GPC3: variants seen among roughly 807,000 people sequenced by gnomAD.
The protein encoded by GPC3 is glypican 3.
In GPC3, 3 loss-of-function variants were observed where a neutral mutation model predicts 34.4. That is an observed-to-expected ratio of 0.09 (90% confidence interval 0.04 to 0.23). The LOEUF is 0.23. Among genes scored for constraint, GPC3 ranks in the 10% least tolerant of loss-of-function variants. The pLI is 1.00. For missense variants in GPC3, 351 were observed against 445.6 expected, an observed-to-expected ratio of 0.79 and a Z score of 1.91; for synonymous variants, 177 against 174.0, an observed-to-expected ratio of 1.02 and a Z score of -0.13.
At chrX:133,673,844 T>C (rs1315631923) in intron 5 of GPC3, among the ~76,000 whole-genome samples, 2 of 112,501 alleles carry the variant, frequency 1.8e-5, no homozygotes, top group African/African-American at 6.5e-5. Flanking sequence ...GAAAGTTCTA[T>C]ATGAGGGCTG....
chrX:133,794,024 C>G (rs908153827), intron 2 of GPC3, among the ~76,000 whole-genome samples: 1 of 111,836 alleles, frequency 8.9e-6, no homozygotes, highest in Non-Finnish European at 1.9e-5. Flanking sequence ...GCACAAGAGA[C>G]AACAGAATGA....
chrX:133,554,367 G>A (rs950763740), intron 7 of GPC3, among the ~76,000 whole-genome samples: 1 of 108,090 alleles, frequency 9.3e-6, no homozygotes, highest in Non-Finnish European at 1.9e-5. Context: ...AGGCTGGAGT[G>A]CAGTGATGCA....
chrX:133,952,786 C>G (rs1213050980), intron 2 of GPC3, among the ~76,000 whole-genome samples: 1 of 112,493 alleles, frequency 8.9e-6, no homozygotes, highest in Non-Finnish European at 1.9e-5. Flanking sequence ...TTTATTCTTT[C>G]TGTAGAGATT....
chrX:133,677,868 A>G (rs2070900084), intron 5 of GPC3, among the ~76,000 whole-genome samples: 2 of 111,795 alleles, frequency 1.8e-5, no homozygotes, highest in Admixed American at 1.9e-4. Context: ...AGGAAAGGAC[A>G]GGGTATAGCA....
rs1322419422 is a variant in GPC3 at position 133,676,926 on chromosome X, T to G, written c.1293-15076A>C. ...TATTCCTTTGCTCTTAACCTGCCCT[T>G]CAGCCCTTGGCACTCCCCCAATGTC... is the stretch of plus-strand genomic sequence containing the variant. On this transcript the variant is annotated intron_variant, in intron 5 of 7. Coordinates refer to ENST00000370818, the MANE Select transcript of GPC3 (RefSeq NM_004484.4). 5.4e-5 allele frequency among the ~76,000 whole-genome samples: 6 copies of G among 110,534 alleles called. No individual in the cohort carries two copies. The East Asian group carries it at 1.4e-3, about 26-fold the overall frequency.
At chrX:133,845,197 T>A (rs923548680) in intron 2 of GPC3, among the ~76,000 whole-genome samples, 1 of 111,366 alleles carries the variant, frequency 9.0e-6, no homozygotes. Context: ...AAAGGGGAAG[T>A]CTGGCCTGAA....
intron 2 of GPC3, among the ~76,000 whole-genome samples, chrX:133,852,985 C>CAAAAAAAA (rs33927142): frequency 2.4e-5 from 1 of 42,111 alleles, no homozygotes; most frequent in Non-Finnish European, 4.0e-5. Flanking sequence ...TTTTAAATTC[C>CAAAAAAAA]AAAAAAAAAA....
intron 2 of GPC3, among the ~76,000 whole-genome samples, chrX:133,840,499 C>T (rs1048574744): frequency 5.4e-5 from 6 of 110,981 alleles, no homozygotes; most frequent in African/African-American, 2.0e-4. Context: ...GTACCTATCT[C>T]GCGAGGTTGT....
At chrX:133,956,736 T>C (rs2076418268) in intron 1 of GPC3, among the ~76,000 whole-genome samples, 1 of 112,048 alleles carries the variant, frequency 8.9e-6, no homozygotes, top group African/African-American at 3.2e-5. Context: ...CTGTTAGTAC[T>C]GGTCCTATTC....
rs752144563 is a variant in GPC3 at position 133,758,209 on chromosome X, A to C, written c.338-4033T>G. Among the ~76,000 whole-genome samples, 349 of 111,876 alleles carry C rather than the reference A, an allele frequency of 3.1e-3. 2 individuals carry two copies. Among genetic ancestry groups the C allele is most frequent in the African/African-American group, 0.011 (330 of 30,760 alleles). On this transcript the variant is annotated intron_variant, in intron 2 of 7. Transcript: ENST00000370818. ...CAATCCTAATACTTGGTATACACCC[A>C]AAGGAATATAAATCATTCTATTATA...
At chrX:133,812,668 C>T (rs777246602) in intron 2 of GPC3, among the ~76,000 whole-genome samples, 1 of 112,181 alleles carries the variant, frequency 8.9e-6, no homozygotes, top group African/African-American at 3.2e-5. Flanking sequence ...AAATCTACGA[C>T]GTTTGAATAT....
In GPC3 at chrX:133,794,902, C is replaced by G. The variant is rs1048269525; in HGVS notation, c.338-40726G>C. On this transcript the variant is annotated intron_variant, in intron 2 of 7. Coordinates refer to ENST00000370818, the MANE Select transcript of GPC3 (RefSeq NM_004484.4). ...AATGGCACATTTTGTATGTTTCTAT[C>G]TGAGTCTATCAAAATATGTTGAAAA... is the stretch of plus-strand genomic sequence containing the variant. Among the ~76,000 whole-genome samples, 3 of 112,415 alleles carry G rather than the reference C, an allele frequency of 2.7e-5. No homozygotes were observed. In the Admixed American group the frequency reaches 2.8e-4, roughly 11 times the overall value.
intron 2 of GPC3, among the ~76,000 whole-genome samples, chrX:133,793,568 G>T (rs1405650473): frequency 9.0e-6 from 1 of 111,013 alleles, no homozygotes; most frequent in Non-Finnish European, 1.9e-5. Context: ...TCCTAACTCT[G>T]CACCCTGGGT....
chrX:133,849,087 T>TC (rs1220704257), intron 2 of GPC3, among the ~76,000 whole-genome samples: 1 of 64,143 alleles, frequency 1.6e-5, no homozygotes, highest in Non-Finnish European at 2.8e-5. Context: ...AAAGTTTCTT[T>TC]TTTTTTTTTT....
At chrX:133,724,929 C>A (rs916215684) in intron 3 of GPC3, among the ~76,000 whole-genome samples, 1 of 111,226 alleles carries the variant, frequency 9.0e-6, no homozygotes, top group African/African-American at 3.3e-5. Context: ...ATAAGATAAA[C>A]GAAAAATAAA....
chrX:133,849,250 A>G (rs967547771), intron 2 of GPC3, among the ~76,000 whole-genome samples: 1 of 108,730 alleles, frequency 9.2e-6, no homozygotes, highest in Non-Finnish European at 1.9e-5. Flanking sequence ...GCCCGCCAAC[A>G]CGCCCGGCTA....
At chrX:133,807,373 G>A (rs1417250646) in intron 2 of GPC3, among the ~76,000 whole-genome samples, 1 of 111,928 alleles carries the variant, frequency 8.9e-6, no homozygotes, top group African/African-American at 3.3e-5. Context: ...CATGTTTCTT[G>A]TATAACCTGC....
intron 7 of GPC3, among the ~76,000 whole-genome samples, chrX:133,555,863 A>T (rs1441828773): frequency 9.0e-6 from 1 of 110,595 alleles, no homozygotes; most frequent in Non-Finnish European, 1.9e-5. Flanking sequence ...CACTGAAATG[A>T]TGAATGCAGC....
Position 133,784,111 on chromosome X carries a change from G to T in GPC3, c.338-29935C>A, listed in dbSNP as rs768518016. Among the ~76,000 whole-genome samples the T allele has an allele frequency of 8.1e-5, 9 of 111,567 alleles. No individual in the cohort carries two copies. The East Asian group carries it at 2.5e-3, about 31-fold the overall frequency. On this transcript the variant is annotated intron_variant, in intron 2 of 7. Transcript: ENST00000370818. ...AATTTTCATCATCTTGCTGGAAAGT[G>T]ATTCTTTATGTTCTTATTCCAAATT...
Sources: gnomAD v4.1 joint callset for allele counts (sites outside exome capture counted in the v4.1 genomes callset) on GRCh38, gnomAD v4.1.1 for gene constraint, MANE v1.5 for transcripts, NCBI Gene and HGNC (gene_info 2026-07-23, HGNC 2026-07-21) for gene names.